The following HNF4A variants were observed in gnomAD, a reference collection of about 807,000 sequenced individuals.
The protein encoded by HNF4A is hepatocyte nuclear factor 4 alpha.
HNF4A carries 15 observed loss-of-function variants against 52.4 expected under a neutral mutation model. The observed-to-expected ratio is 0.29, with a 90% CI of 0.19 to 0.44. HNF4A has a LOEUF of 0.44. HNF4A is among the 20% of genes least tolerant of loss of function. The pLI is 1.00. For synonymous variants in HNF4A, 280 were observed against 264.4 expected (o/e 1.06, Z -0.57); for missense variants, 479 against 647.2 (o/e 0.74, Z 2.82).
intron 3 of HNF4A, among the ~76,000 whole-genome samples, chr20:44,409,308 C>T (rs1275281044): frequency 6.6e-6 from 1 of 152,202 alleles, no homozygotes; most frequent in Non-Finnish European, 1.5e-5. Context: ...ATTTTGTGGA[C>T]TGGGAAAGAT....
At chr20:44,424,505 G>T (rs2063791975) in intron 8 of HNF4A, 2 of 1,031,024 alleles carry the variant, frequency 1.9e-6, no homozygotes, top group Non-Finnish European at 2.9e-6. Context: ...CAAAGAACAA[G>T]ATCTTTGCCC....
Position 44,401,324 on chromosome 20 carries a change from G to A in HNF4A, c.-49G>A. The A allele has an allele frequency of 1.9e-6, 3 of 1,612,902 alleles. No homozygotes were observed. Among genetic ancestry groups the A allele is most frequent in the Non-Finnish European group, 2.5e-6 (3 of 1,179,734 alleles). ...GAGGGCGGAGGGCGGGGGCCTTCGGGGTGGGCGCCCAGGGTAGGGCAGGTG... is the reference window on the plus strand; with the variant it reads ...GAGGGCGGAGGGCGGGGGCCTTCGGAGTGGGCGCCCAGGGTAGGGCAGGTG... On this transcript the variant is annotated 5_prime_UTR_variant, in exon 1 of 10. Transcript: ENST00000316099.
chr20:44,401,283 T>C lies in HNF4A; in HGVS notation c.-90T>C. 2.5e-6 allele frequency: 3 copies of C among 1,214,790 alleles called. No individual in the cohort carries two copies. The highest frequency in any genetic ancestry group is 1.2e-6 in the Non-Finnish European group (1 of 834,676). The allele number at this position is 1,214,790 out of a possible 1,614,324, so 75.3% of individuals were successfully genotyped here. The stretch of plus-strand genomic sequence containing the variant: ...TTTGAAAGGAAGGCAGAGAGGGCAC[T>C]GGGAGGAGGCAGTGGGAGGGCGGAG... On this transcript the variant is annotated 5_prime_UTR_variant, in exon 1 of 10. Transcript: ENST00000316099.
At chr20:44,425,656 C>CT (rs10657596) in intron 8 of HNF4A, among the ~76,000 whole-genome samples, 15,522 of 129,176 alleles carry the variant, frequency 0.12, 1,197 homozygotes, top group East Asian at 0.17. Context: ...TTCTTTTTTC[C>CT]TTTTTTTTTT....
At chr20:44,405,673 C>G (rs1015960942) in intron 1 of HNF4A, among the ~76,000 whole-genome samples, 5 of 152,230 alleles carry the variant, frequency 3.3e-5, no homozygotes, top group African/African-American at 4.8e-5. Context: ...TTGGCAAGAA[C>G]TGAGGGACAG....
intron 7 of HNF4A, among the ~76,000 whole-genome samples, chr20:44,422,244 CTGTA>C (rs1194422943): frequency 6.6e-6 from 1 of 152,142 alleles, no homozygotes; most frequent in Non-Finnish European, 1.5e-5. Flanking sequence ...CTGGCCCAGC[CTGTA>C]TCCTCTGTAG....
intron 3 of HNF4A, among the ~76,000 whole-genome samples, chr20:44,409,001 C>T (rs1382484571): frequency 6.6e-6 from 1 of 152,000 alleles, no homozygotes; most frequent in African/African-American, 2.4e-5. Flanking sequence ...ACTCTCTTTC[C>T]CCTGTATCTG....
At chr20:44,408,148 A>G (rs951347833) in intron 3 of HNF4A, 3 of 159,234 alleles carry the variant, frequency 1.9e-5, no homozygotes, top group African/African-American at 7.2e-5. Flanking sequence ...TTTCATTTTC[A>G]TGACAACCCT....
chr20:44,387,311 A>G (rs1340909034), intron 1 of HNF4A, among the ~76,000 whole-genome samples: 9 of 135,930 alleles, frequency 6.6e-5, no homozygotes, highest in East Asian at 4.0e-4. Context: ...AAAAAAAAAA[A>G]AAGAAGTATT....
At chr20:44,358,838 A>C (rs1422959494) in intron 1 of HNF4A, among the ~76,000 whole-genome samples, 1 of 152,162 alleles carries the variant, frequency 6.6e-6, no homozygotes, top group Non-Finnish European at 1.5e-5. Context: ...TCCTGGGTCC[A>C]GAGCAAGCAC....
intron 8 of HNF4A, among the ~76,000 whole-genome samples, chr20:44,427,736 T>G (rs1406961263): frequency 6.6e-6 from 1 of 152,116 alleles, no homozygotes; most frequent in Non-Finnish European, 1.5e-5. Context: ...CAAATTACTA[T>G]GAGAAATCCA....
At chr20:44,394,087 G>C (rs917150496) in intron 1 of HNF4A, among the ~76,000 whole-genome samples, 1 of 152,182 alleles carries the variant, frequency 6.6e-6, no homozygotes, top group Non-Finnish European at 1.5e-5. Context: ...ATGGGACACA[G>C]AGCCAGGTGC....
chr20:44,420,534 C>T (rs1280910747), intron 7 of HNF4A, among the ~76,000 whole-genome samples: 1 of 152,058 alleles, frequency 6.6e-6, no homozygotes, highest in African/African-American at 2.4e-5. Flanking sequence ...AATCCCAGCA[C>T]TTTGGGAGGC....
At chr20:44,428,605 G>A (rs898324666) in intron 9 of HNF4A, 118 bp downstream of exon 9, 1 of 1,012,258 alleles carries the variant, frequency 9.9e-7, no homozygotes, top group East Asian at 2.6e-5. Context: ...TGGGTTCCAG[G>A]GTAGGGAATA....
intron 2 of HNF4A, among the ~76,000 whole-genome samples, 154 bp from the exon 3 acceptor site, chr20:44,407,227 C>G (rs2063513835): frequency 6.6e-6 from 1 of 152,160 alleles, no homozygotes; most frequent in South Asian, 2.1e-4. Context: ...TTCATAGCAC[C>G]TTTCCAGCTC....
At chr20:44,400,721 A>C (rs992676038), upstream of HNF4A, among the ~76,000 whole-genome samples, 6 of 152,174 alleles carry the variant, frequency 3.9e-5, no homozygotes, top group Non-Finnish European at 7.3e-5. Context: ...CTTCCAGTCC[A>C]TTCTGCTCCC....
chr20:44,367,349 A>G (rs932624563), intron 1 of HNF4A, among the ~76,000 whole-genome samples: 8 of 151,266 alleles, frequency 5.3e-5, no homozygotes, highest in African/African-American at 1.9e-4. Flanking sequence ...AAAAAAAAAA[A>G]AAAATTAACT....
At chr20:44,421,877 TTA>T (rs906045827) in intron 7 of HNF4A, among the ~76,000 whole-genome samples, 9 of 147,206 alleles carry the variant, frequency 6.1e-5, no homozygotes, top group South Asian at 2.1e-4. Context: ...GATATATATT[TTA>T]TATATATATA....
intron 1 of HNF4A, among the ~76,000 whole-genome samples, chr20:44,368,141 CAT>C (rs756822197): frequency 1.8e-3 from 23 of 12,920 alleles, no homozygotes; most frequent in East Asian, 6.9e-3. Context: ...TGTGTATATA[CAT>C]ATATATATAT....
Sources: allele counts gnomAD v4.1 joint callset (sites outside exome capture counted in the v4.1 genomes callset), GRCh38; gene constraint gnomAD v4.1.1; transcripts MANE v1.5; gene names NCBI Gene and HGNC (gene_info 2026-07-23, HGNC 2026-07-21).